Variants in ZNF148 observed in about 807,000 individuals in gnomAD.
The protein encoded by ZNF148 is Beta-Enolase Repressor Factor-1.
In ZNF148, 7 loss-of-function variants were observed where a neutral mutation model predicts 67.7. That is an observed-to-expected ratio of 0.10 (90% CI 0.06 to 0.19). The LOEUF is 0.19. Ranked by LOEUF, ZNF148 falls within the 10% of genes least tolerant of loss-of-function variation. The pLI is 1.00. For missense variants in ZNF148, 583 were observed against 947.1 expected, an observed-to-expected ratio of 0.62 and a Z score of 5.05; for synonymous variants, 333 against 330.7, an observed-to-expected ratio of 1.01 and a Z score of -0.08.
intron 1 of ZNF148, among the ~76,000 whole-genome samples, chr3:125,360,565 T>A (rs923148518): frequency 1.3e-5 from 2 of 152,086 alleles, no homozygotes; most frequent in Admixed American, 6.6e-5. Context: ...GGATTACAGG[T>A]GTGAGCCATC....
intron 7 of ZNF148, among the ~76,000 whole-genome samples, chr3:125,249,230 C>T (rs1936730335): frequency 6.6e-6 from 1 of 151,962 alleles, no homozygotes; most frequent in South Asian, 2.1e-4. Context: ...GAAAAGATAA[C>T]CTATGGAATG....
chr3:125,236,519 G>C (rs1936098276), intron 7 of ZNF148, among the ~76,000 whole-genome samples: 1 of 151,938 alleles, frequency 6.6e-6, no homozygotes, highest in Non-Finnish European at 1.5e-5. Context: ...TAAAGCCAAG[G>C]GGAAAAAAAT....
intron 1 of ZNF148, among the ~76,000 whole-genome samples, chr3:125,348,532 TACTTAA>T (rs1171865512): frequency 8.7e-6 from 1 of 114,338 alleles, no homozygotes; most frequent in African/African-American, 3.2e-5. Context: ...TCAAAAACAA[TACTTAA>T]ACTTAACTAA....
At chr3:125,240,496 C>G (rs1306403607) in intron 7 of ZNF148, among the ~76,000 whole-genome samples, 1 of 152,110 alleles carries the variant, frequency 6.6e-6, no homozygotes, top group African/African-American at 2.4e-5. Context: ...AGGTGTGCTG[C>G]CTCAAGCCAC....
intron 4 of ZNF148, among the ~76,000 whole-genome samples, chr3:125,303,939 G>GTT (rs1306519655): frequency 2.0e-5 from 3 of 152,078 alleles, no homozygotes; most frequent in Non-Finnish European, 4.4e-5. Flanking sequence ...TATATAAAAT[G>GTT]TAACAACTGG....
At chr3:125,268,762 T>C (rs1312553673) in intron 7 of ZNF148, among the ~76,000 whole-genome samples, 1 of 152,066 alleles carries the variant, frequency 6.6e-6, no homozygotes, top group African/African-American at 2.4e-5. Flanking sequence ...AGAGGACTGC[T>C]TGAGGCCAGG....
At chr3:125,374,698 T>G (rs528474847) in intron 1 of ZNF148, among the ~76,000 whole-genome samples, 1 of 151,946 alleles carries the variant, frequency 6.6e-6, no homozygotes, top group South Asian at 2.1e-4. Flanking sequence ...AGGCCTGCGG[T>G]GCATAAAGCA....
chr3:125,352,009 C>G (rs559069158), intron 1 of ZNF148, among the ~76,000 whole-genome samples: 1 of 151,948 alleles, frequency 6.6e-6, no homozygotes, highest in Non-Finnish European at 1.5e-5. Context: ...AACAGAGGTA[C>G]CACATGACTC....
chr3:125,352,141 A>G (rs1456883448), intron 1 of ZNF148, among the ~76,000 whole-genome samples: 1 of 152,084 alleles, frequency 6.6e-6, no homozygotes, highest in Non-Finnish European at 1.5e-5. Context: ...AAAAAAAACA[A>G]AGTGGAAACA....
intron 3 of ZNF148, among the ~76,000 whole-genome samples, chr3:125,317,990 G>C (rs1448434351): frequency 6.6e-6 from 1 of 151,738 alleles, no homozygotes. Context: ...ACCTCAACCT[G>C]TCTCTGGCCA....
At chr3:125,234,385 G>A (rs986407835) in intron 7 of ZNF148, 56 bp from the exon 8 acceptor site, 1 of 1,220,630 alleles carries the variant, frequency 8.2e-7, no homozygotes, top group Admixed American at 2.0e-5. Flanking sequence ...ATAATGAATT[G>A]CTTTGCCATA....
chr3:125,308,484 C>G (rs754788318), intron 4 of ZNF148, among the ~76,000 whole-genome samples: 2 of 134,846 alleles, frequency 1.5e-5, no homozygotes, highest in Non-Finnish European at 3.1e-5. Flanking sequence ...AGTCAATATA[C>G]AGAATCAATG....
intron 4 of ZNF148, among the ~76,000 whole-genome samples, chr3:125,307,295 A>G (rs1939931733): frequency 7.2e-6 from 1 of 138,174 alleles, no homozygotes; most frequent in African/African-American, 2.6e-5. Flanking sequence ...ATGAAGTTAA[A>G]TATCCATTCA....
At chr3:125,277,670 T>TC in intron 7 of ZNF148, 56 bp downstream of exon 7, 1 of 1,477,210 alleles carries the variant, frequency 6.8e-7, no homozygotes, top group Non-Finnish European at 9.3e-7. Context: ...TAAAAATTCT[T>TC]CCCTCCATTT....
intron 5 of ZNF148, among the ~76,000 whole-genome samples, chr3:125,287,477 A>C (rs971916536): frequency 6.6e-6 from 1 of 152,152 alleles, no homozygotes; most frequent in African/African-American, 2.4e-5. Flanking sequence ...CATTTCTGTA[A>C]GAAATTCAAA....
chr3:125,229,659 T>A lies in ZNF148; in HGVS notation c.*2682A>T, dbSNP rs1935773476. The A allele has an allele frequency of 1.3e-5, 2 of 152,136 alleles. No individual in the cohort carries two copies. Among genetic ancestry groups the A allele is most frequent in the African/African-American group, 4.8e-5 (2 of 41,428 alleles). The allele number at this position is 152,136 out of a possible 1,614,324, so 9.4% of individuals were successfully genotyped here. A position where few individuals can be genotyped will look rare whatever the true frequency, so the allele number is the denominator to read the frequency against. On this transcript the variant is annotated 3_prime_UTR_variant, in exon 9 of 9. Coordinates refer to ENST00000360647, the MANE Select transcript of ZNF148 (RefSeq NM_021964.3). Reference sequence around the variant, plus strand: ...AAAGTTTAAGGGTGTACCAGCATGTTTTTATAGAACAATGTGCTCACTTTG... The same window carrying A: ...AAAGTTTAAGGGTGTACCAGCATGTATTTATAGAACAATGTGCTCACTTTG...
intron 1 of ZNF148, among the ~76,000 whole-genome samples, chr3:125,332,099 A>G (rs1941313698): frequency 6.6e-6 from 1 of 152,360 alleles, no homozygotes; most frequent in South Asian, 2.1e-4. Context: ...TAATCTCTAG[A>G]AAATAACCAA....
intron 1 of ZNF148, among the ~76,000 whole-genome samples, chr3:125,345,362 C>T (rs1419314163): frequency 6.6e-6 from 1 of 152,030 alleles, no homozygotes; most frequent in Non-Finnish European, 1.5e-5. Flanking sequence ...ACATAATACA[C>T]ATCAAAATAC....
chr3:125,307,809 T>C (rs1041892070), intron 4 of ZNF148, among the ~76,000 whole-genome samples: 9 of 105,926 alleles, frequency 8.5e-5, no homozygotes, highest in African/African-American at 3.7e-4. Context: ...CATGCCCAGA[T>C]AATTTTTTTT....
Sources: allele counts gnomAD v4.1 joint callset (sites outside exome capture counted in the v4.1 genomes callset), GRCh38; gene constraint gnomAD v4.1.1; transcripts MANE v1.5; gene names NCBI Gene and HGNC (gene_info 2026-07-23, HGNC 2026-07-21).